Variants in AGAP1 observed in about 807,000 individuals in gnomAD.
The protein encoded by AGAP1 is ArfGAP with GTPase domain, ankyrin repeat and PH domain 1.
A neutral mutation model predicts 105.3 loss-of-function variants in AGAP1; 29 were observed. That is an observed-to-expected ratio of 0.28 (90% confidence interval 0.21 to 0.38). The LOEUF (loss-of-function observed/expected upper bound fraction) is 0.38, where lower values mean the gene tolerates loss of function less well. AGAP1 is among the 10% of genes least tolerant of loss of function. The pLI, the probability that AGAP1 is intolerant of heterozygous loss-of-function variation, is 1.00. For missense variants in AGAP1, 998 were observed against 1,165.1 expected (o/e 0.86, Z 2.09); for synonymous variants, 509 against 485.9 (o/e 1.05, Z -0.63).
intron 1 of AGAP1, among the ~76,000 whole-genome samples, chr2:235,531,484 C>T (rs180740121): frequency 6.9e-4 from 105 of 152,190 alleles, no homozygotes; most frequent in African/African-American, 2.5e-3. Context: ...ATGAGTGACC[C>T]GCTCCCATGT....
rs1036540893 is a variant in AGAP1, at chr2:235,555,975, G to A, written c.163+61126G>A. Among the ~76,000 whole-genome samples, 1 of 152,222 alleles carries A rather than the reference G, an allele frequency of 6.6e-6. No homozygotes were observed. The highest frequency in any genetic ancestry group is 2.4e-5 in the African/African-American group (1 of 41,452). On this transcript the variant is annotated intron_variant, in intron 1 of 17. Transcript: ENST00000304032. This position sits in a 1 kb window ranked among gnomAD's most constrained non-coding sequence, Gnocchi z 5.1. ...GCAATACTTAGACCTCAAAAACAAA[G>A]CGATGTAGACCTATCTGCTGTGTCC...
chr2:235,886,833 G>A (rs911909948), intron 10 of AGAP1, among the ~76,000 whole-genome samples: 1 of 152,142 alleles, frequency 6.6e-6, no homozygotes, highest in Non-Finnish European at 1.5e-5. Context: ...GCCAAGCATT[G>A]GATAAAAGTG....
Position 235,700,195 on chromosome 2 carries a change from C to T in AGAP1, c.164-8984C>T, listed in dbSNP as rs1423920846. ...GTTATTATTTATGCATTAAATATTC[C>T]GAAGCAGCCTCAGCTAATGGAACAC... On this transcript the variant is annotated intron_variant, in intron 1 of 17. Transcript: ENST00000304032. This position sits in a 1 kb window ranked among gnomAD's most constrained non-coding sequence, Gnocchi z 6.1. 3.3e-5 allele frequency among the ~76,000 whole-genome samples: 5 copies of T among 152,104 alleles called. No individual in the cohort carries two copies. The highest frequency in any genetic ancestry group is 3.2e-3 in the Middle Eastern group (1 of 316).
intron 1 of AGAP1, among the ~76,000 whole-genome samples, chr2:235,678,613 C>G (rs1001232443): frequency 6.6e-5 from 10 of 152,082 alleles, no homozygotes; most frequent in Non-Finnish European, 1.3e-4. Flanking sequence ...GTCTAGAGTC[C>G]TTTCAGGATC....
intron 6 of AGAP1, chr2:235,774,170 A>C (rs1316898150): frequency 2.6e-6 from 1 of 379,956 alleles, no homozygotes; most frequent in Non-Finnish European, 5.3e-6. Context: ...AAATGCCCTT[A>C]TTCTTGATAT....
In AGAP1 at chr2:235,893,293, C is replaced by T. The variant is rs778390440; in HGVS notation, c.1155+9844C>T. Among the ~76,000 whole-genome samples, 28 of 150,436 alleles carry T rather than the reference C, an allele frequency of 1.9e-4. No homozygotes were observed. Among genetic ancestry groups the T allele is most frequent in the Non-Finnish European group, 3.5e-4 (24 of 67,656 alleles). On this transcript the variant is annotated intron_variant, in intron 10 of 17. Coordinates refer to ENST00000304032, the MANE Select transcript of AGAP1 (RefSeq NM_001037131.3). The surrounding 1 kb of genome is among the most constrained non-coding windows in gnomAD (Gnocchi z 4.7). ...CGCCGTGTCTGTAGCGTGGGTGTAG[C>T]GTGTCTGTGGCGCAGGTGTGCCGTG...
In AGAP1 at chr2:235,974,866, G is replaced by A. The variant is rs13388710; in HGVS notation, c.1645+6243G>A. Among the ~76,000 whole-genome samples the A allele has an allele frequency of 6.9e-3, 1,056 of 152,306 alleles. 13 individuals are homozygous for A. Among genetic ancestry groups the A allele is most frequent in the African/African-American group, 0.024 (1,004 of 41,572 alleles). Reference sequence around the variant, plus strand: ...CTGTGTGCTTGCCTCCATGGGAGACGTTGAGAAATAAAACTCGGTTCCTCT... The same window carrying A: ...CTGTGTGCTTGCCTCCATGGGAGACATTGAGAAATAAAACTCGGTTCCTCT... On this transcript the variant is annotated intron_variant, in intron 13 of 17. Coordinates refer to ENST00000304032, the MANE Select transcript of AGAP1 (RefSeq NM_001037131.3).
intron 1 of AGAP1, among the ~76,000 whole-genome samples, chr2:235,588,488 T>C (rs944069769): frequency 6.6e-6 from 1 of 152,030 alleles, no homozygotes; most frequent in Non-Finnish European, 1.5e-5. Flanking sequence ...CGGTGGCTGC[T>C]ACACCCTGGT....
Position 235,750,911 on chromosome 2 carries a change from GGAGA to G in AGAP1, c.673+431_673+434del, listed in dbSNP as rs1440747816. Among the ~76,000 whole-genome samples, 1 of 152,112 alleles carries G rather than the reference GGAGA, an allele frequency of 6.6e-6. No individual in the cohort carries two copies. Among genetic ancestry groups the G allele is most frequent in the African/African-American group, 2.4e-5 (1 of 41,398 alleles). On this transcript the variant is annotated intron_variant, in intron 6 of 17. Transcript: ENST00000304032. This position sits in a 1 kb window ranked among gnomAD's most constrained non-coding sequence, Gnocchi z 5.3. ...GGCTTTGAGAAGAGAACTGAAAGGA[GGAGA>G]GAGAGAGTCAAGTTTGGACCTCCCC...
chr2:235,654,618 G>C (rs894937474), intron 1 of AGAP1, among the ~76,000 whole-genome samples: 1 of 152,174 alleles, frequency 6.6e-6, no homozygotes, highest in Non-Finnish European at 1.5e-5. Context: ...ATCTCAAGAC[G>C]GTGACACATT....
At chr2:235,613,032 T>G (rs1213489187) in intron 1 of AGAP1, among the ~76,000 whole-genome samples, 1 of 151,886 alleles carries the variant, frequency 6.6e-6, no homozygotes, top group East Asian at 1.9e-4. Context: ...TTTTGTTTTT[T>G]TTTTTTTTTT....
In AGAP1 at chr2:235,510,101, C is replaced by A. The variant is rs184036219; in HGVS notation, c.163+15252C>A. Among the ~76,000 whole-genome samples, 2 of 152,156 alleles carry A rather than the reference C, an allele frequency of 1.3e-5. 1 individual carries two copies. Among genetic ancestry groups the A allele is most frequent in the South Asian group, 4.2e-4 (2 of 4,818 alleles). On this transcript the variant is annotated intron_variant, in intron 1 of 17. Coordinates refer to ENST00000304032, the MANE Select transcript of AGAP1 (RefSeq NM_001037131.3). Reference sequence around the variant, plus strand: ...GTTGCAGGAAAACAAGCTCAGGGCTCCCACTGATTCTACGTTATGGTGAGT... The same window carrying A: ...GTTGCAGGAAAACAAGCTCAGGGCTACCACTGATTCTACGTTATGGTGAGT...
chr2:236,112,207 A>G lies in AGAP1; in HGVS notation c.2115-7985A>G, dbSNP rs578143261. On this transcript the variant is annotated intron_variant, in intron 16 of 17. Coordinates refer to ENST00000304032, the MANE Select transcript of AGAP1 (RefSeq NM_001037131.3). Reference sequence around the variant, plus strand: ...GAGGAGGACAGATCACCTGAGGTCCATAGTTTGAGACCAGCCTGGCCAACA... The same window carrying G: ...GAGGAGGACAGATCACCTGAGGTCCGTAGTTTGAGACCAGCCTGGCCAACA... Among the ~76,000 whole-genome samples, 8 of 152,148 alleles carry G rather than the reference A, an allele frequency of 5.3e-5. No individual in the cohort carries two copies. The South Asian group carries it at 1.0e-3, about 20-fold the overall frequency.
chr2:235,960,178 G>A lies in AGAP1; in HGVS notation c.1484-8284G>A, dbSNP rs1007408003. ...CCCTGTAAGCAGCAGATCAGAGCGTGGGCTGGTGCTGCTTCCAGGATCACA... is the reference window on the plus strand; with the variant it reads ...CCCTGTAAGCAGCAGATCAGAGCGTAGGCTGGTGCTGCTTCCAGGATCACA... On this transcript the variant is annotated intron_variant, in intron 12 of 17. Coordinates refer to ENST00000304032, the MANE Select transcript of AGAP1 (RefSeq NM_001037131.3). This position sits in a 1 kb window ranked among gnomAD's most constrained non-coding sequence, Gnocchi z 4.9. 2.6e-5 allele frequency among the ~76,000 whole-genome samples: 4 copies of A among 152,304 alleles called. No homozygotes were observed. The highest frequency in any genetic ancestry group is 7.2e-5 in the African/African-American group (3 of 41,560).
intron 9 of AGAP1, among the ~76,000 whole-genome samples, chr2:235,852,385 G>A (rs537319866): frequency 1.3e-5 from 2 of 152,208 alleles, no homozygotes; most frequent in Admixed American, 1.3e-4. Flanking sequence ...TGCGCGGAGG[G>A]GGCTTGGGGT....
chr2:235,606,054 T>C (rs538109143), intron 1 of AGAP1, among the ~76,000 whole-genome samples: 1 of 152,240 alleles, frequency 6.6e-6, no homozygotes. Context: ...CAAGCAAACA[T>C]GTTTATAGGT....
chr2:235,958,889 G>T lies in AGAP1; in HGVS notation c.1484-9573G>T, dbSNP rs1316559510. Among the ~76,000 whole-genome samples the T allele has an allele frequency of 2.6e-5, 4 of 152,186 alleles. No homozygotes were observed. Among genetic ancestry groups the T allele is most frequent in the African/African-American group, 9.7e-5 (4 of 41,438 alleles). ...ACTGCTTCTTTGACTCATACTTCAC[G>T]TTCCGAAGCTCGGAGAGACTGCAGA... On this transcript the variant is annotated intron_variant, in intron 12 of 17. Transcript: ENST00000304032. This position sits in a 1 kb window ranked among gnomAD's most constrained non-coding sequence, Gnocchi z 4.1.
chr2:235,689,435 A>G lies in AGAP1; in HGVS notation c.164-19744A>G, dbSNP rs1460669002. Reference sequence around the variant, plus strand: ...GCACTGATTATGTTTCCATTACACCATAGAACATAACAATTTTGACTGCAG... The same window carrying G: ...GCACTGATTATGTTTCCATTACACCGTAGAACATAACAATTTTGACTGCAG... On this transcript the variant is annotated intron_variant, in intron 1 of 17. Coordinates refer to ENST00000304032, the MANE Select transcript of AGAP1 (RefSeq NM_001037131.3). The surrounding 1 kb of genome is among the most constrained non-coding windows in gnomAD (Gnocchi z 4.2). Among the ~76,000 whole-genome samples, 3 of 152,254 alleles carry G rather than the reference A, an allele frequency of 2.0e-5. 1 individual carries two copies. Among genetic ancestry groups the G allele is most frequent in the African/African-American group, 7.2e-5 (3 of 41,472 alleles).
intron 1 of AGAP1, among the ~76,000 whole-genome samples, chr2:235,684,530 T>C (rs1441917156): frequency 6.6e-6 from 1 of 152,210 alleles, no homozygotes; most frequent in Non-Finnish European, 1.5e-5. Context: ...ATTTGCCAGC[T>C]GCTTCTGGAC....
Sources: gnomAD v4.1 joint callset for allele counts (sites outside exome capture counted in the v4.1 genomes callset) on GRCh38, gnomAD v4.1.1 for gene constraint, Gnocchi (gnomAD v3.1) non-coding constraint, MANE v1.5 for transcripts, NCBI Gene and HGNC (gene_info 2026-07-23, HGNC 2026-07-21) for gene names.